The following PCDHGA3 variants were observed in gnomAD, a reference collection of about 807,000 sequenced individuals.
The protein encoded by PCDHGA3 is protocadherin gamma-A3.
A neutral mutation model predicts 58.5 loss-of-function variants in PCDHGA3; 40 were observed. The observed-to-expected ratio is 0.68, with a 90% confidence interval of 0.53 to 0.89. The LOEUF (loss-of-function observed/expected upper bound fraction) is 0.89. PCDHGA3 is among the 40% of genes least tolerant of loss of function. The probability of loss-of-function intolerance (pLI) is 0.00; values close to 1 mark genes in which losing one functional copy is unlikely to be tolerated. For synonymous variants in PCDHGA3, 530 were observed against 525.7 expected, an observed-to-expected ratio of 1.01 and a Z score of -0.11; for missense variants, 1,223 against 1,195.9, an observed-to-expected ratio of 1.02 and a Z score of -0.33.
chr5:141,363,741 C>T (rs1763049748), intron 1 of PCDHGA3, among the ~76,000 whole-genome samples: 1 of 152,096 alleles, frequency 6.6e-6, no homozygotes, highest in African/African-American at 2.4e-5. Context: ...GGTTTGTTTC[C>T]TTGGTATTCT....
At chr5:141,389,816 G>T (rs1359127304) in intron 1 of PCDHGA3, 7 of 1,613,776 alleles carry the variant, frequency 4.3e-6, no homozygotes, top group Non-Finnish European at 5.9e-6. Context: ...TGGTCGCCGT[G>T]CGTGACGGTG....
chr5:141,384,788 G>C (rs765446040), intron 1 of PCDHGA3: 21 of 1,613,120 alleles, frequency 1.3e-5, no homozygotes, highest in African/African-American at 2.7e-5. Context: ...CGCACGGCTC[G>C]GGCCCTGCTG....
At chr5:141,403,890 C>A in intron 1 of PCDHGA3, 1 of 1,613,714 alleles carries the variant, frequency 6.2e-7, no homozygotes, top group Non-Finnish European at 8.5e-7. Flanking sequence ...GAAGAATGTT[C>A]ATTTTATGAA....
intron 1 of PCDHGA3, chr5:141,408,333 G>T (rs746692686): frequency 3.7e-6 from 6 of 1,613,924 alleles, no homozygotes; most frequent in Admixed American, 3.3e-5. Flanking sequence ...CTGGCCAAGG[G>T]CTCGGTGGTG....
At chr5:141,423,833 T>A in intron 1 of PCDHGA3, 1 of 1,262,398 alleles carries the variant, frequency 7.9e-7, no homozygotes, top group Non-Finnish European at 1.0e-6. Context: ...TTCATGAGAT[T>A]ACGATAATCT....
chr5:141,387,827 A>G (rs2091110263), intron 1 of PCDHGA3: 2 of 1,585,958 alleles, frequency 1.3e-6, no homozygotes, highest in Non-Finnish European at 8.6e-7. Flanking sequence ...TGCAATACAG[A>G]GGTTATTTGT....
At position 141,510,993 on chromosome 5, in the gene PCDHGA3, G is replaced by A. The variant is rs1457918073; in HGVS notation, c.2619G>A (p.Met873Ile). The A allele has an allele frequency of 4.3e-6, 7 of 1,614,046 alleles. No homozygotes were observed. Among genetic ancestry groups the A allele is most frequent in the African/African-American group, 1.3e-5 (1 of 74,906 alleles). ...CCCTGGGAGGGGGTGCCGGCACCAT[G>A]GGATTGAGCGCCCGCTACGGACCCC... ...SSTLGGGAGT[M>I]GLSARYGPQF... The change falls in exon 4 of 4, where the codon ATG (methionine) becomes ATA (isoleucine). Residue 873 changes from methionine to isoleucine, a missense_variant. Transcript: ENST00000253812.
At chr5:141,371,108 C>T (rs754711722) in intron 1 of PCDHGA3, 1 of 1,613,760 alleles carries the variant, frequency 6.2e-7, no homozygotes, top group African/African-American at 1.3e-5. Context: ...CAAATGATAA[C>T]CCCCCAGTAT....
In PCDHGA3 at chr5:141,344,619, C is replaced by A; in HGVS notation, c.586C>A (p.Leu196Met). 8 of 1,613,962 alleles carry A rather than the reference C, an allele frequency of 5.0e-6. No individual in the cohort carries two copies. The highest frequency in any genetic ancestry group is 6.8e-6 in the Non-Finnish European group (8 of 1,179,884). ...GGGGGCCAAGTATCCAGAGCTGGTG[C>A]TGGAGCGGGCCCTGGACCGTGAGAA... ...SEGAKYPELV[L>M]ERALDREKKE... The change falls in exon 1 of 4, where the codon CTG (leucine) becomes ATG (methionine). Residue 196 changes from leucine (L) to methionine (M), a missense_variant. By Grantham distance (15) the Leu-to-Met change is conservative (BLOSUM62 2). Around this residue, in one of 3 missense-constraint regions of PCDHGA3, gnomAD observed 791 missense variants for 708.5 expected, o/e 1.12. Transcript: ENST00000253812.
chr5:141,477,639 G>T lies in PCDHGA3; in HGVS notation c.2425-17168G>T, dbSNP rs2099414883. ...GGAGCTGAAACCGGGCTAGTGGGTCGCTATTTCACAATAAATCGTGACAAT... is the reference window on the plus strand; with the variant it reads ...GGAGCTGAAACCGGGCTAGTGGGTCTCTATTTCACAATAAATCGTGACAAT... On this transcript the variant is annotated intron_variant, in intron 1 of 3. Transcript: ENST00000253812. The surrounding 1 kb of genome is among the most constrained non-coding windows in gnomAD (Gnocchi z 4.9). 3.1e-6 allele frequency: 5 copies of T among 1,614,004 alleles called. No homozygotes were observed. Among genetic ancestry groups the T allele is most frequent in the Non-Finnish European group, 4.2e-6 (5 of 1,180,034 alleles).
Position 141,345,962 on chromosome 5 carries a change from G to A in PCDHGA3, c.1929G>A (p.Val643=), listed in dbSNP as rs577452868. The A allele has an allele frequency of 6.4e-5, 103 of 1,613,572 alleles. No homozygotes were observed. The African/African-American group carries it at 8.3e-4, about 13-fold the overall frequency. The change falls in exon 1 of 4, where the codon GTG becomes GTA. Residue 643 remains valine (V), a synonymous_variant. Transcript: ENST00000253812. The stretch of plus-strand genomic sequence containing the variant: ...GAGACGCGCTCAAGCAGAGCCTCGT[G>A]GTGGCCGTCCAGGACCACGGCCAGC... ...LDRDALKQSL[V]VAVQDHGQPP...
chr5:141,450,454 G>A (rs144071286), intron 1 of PCDHGA3, among the ~76,000 whole-genome samples: 3,498 of 151,958 alleles, frequency 0.023, 60 homozygotes, highest in Middle Eastern at 0.051. Flanking sequence ...ATGTTTCCTC[G>A]TGATTTTATA....
intron 1 of PCDHGA3, chr5:141,389,656 C>T (rs763730959): frequency 1.2e-6 from 2 of 1,612,538 alleles, no homozygotes; most frequent in Non-Finnish European, 1.7e-6. Context: ...AAGGTAGTGG[C>T]GGTGGACGCA....
chr5:141,394,405 T>C, intron 1 of PCDHGA3: 2 of 1,614,222 alleles, frequency 1.2e-6, no homozygotes, highest in Non-Finnish European at 1.7e-6. Context: ...CTGCAGCTAC[T>C]GGTAACAGCC....
At chr5:141,410,849 CTTTTTTTTTTTT>C (rs759346998) in intron 1 of PCDHGA3, 1 of 129,786 alleles carries the variant, frequency 7.7e-6, no homozygotes, top group East Asian at 2.3e-4. Flanking sequence ...TTGTCTTTGT[CTTTTTTTTTTTT>C]TTTTTTTTTT....
chr5:141,476,535 T>C lies in PCDHGA3; in HGVS notation c.2425-18272T>C. 5 of 1,614,038 alleles carry C rather than the reference T, an allele frequency of 3.1e-6. No individual in the cohort carries two copies. The highest frequency in any genetic ancestry group is 4.2e-6 in the Non-Finnish European group (5 of 1,180,010). On this transcript the variant is annotated intron_variant, in intron 1 of 3. Coordinates refer to ENST00000253812, the MANE Select transcript of PCDHGA3 (RefSeq NM_018916.4). The surrounding 1 kb of genome is among the most constrained non-coding windows in gnomAD (Gnocchi z 7.6). ...AATCCTGCTTTCCCTACCCAGGAAA[T>C]GAAATTGGAGATTAGCGAGGCCGTG...
rs1038904862 is a variant in PCDHGA3 at position 141,345,667 on chromosome 5, A to G, written c.1634A>G (p.Asn545Ser). ...AGCGGGAACCCTCCACTCAGCAGCAACGTGTCGCTGAACCTGTTCGTGCTG... is the reference window on the plus strand; with the variant it reads ...AGCGGGAACCCTCCACTCAGCAGCAGCGTGTCGCTGAACCTGTTCGTGCTG... ...SDSGNPPLSSNVSLNLFVLDQ... is the reference protein window; with the variant it reads ...SDSGNPPLSSSVSLNLFVLDQ... The change falls in exon 1 of 4, where the codon AAC (asparagine) becomes AGC (serine). Residue 545 changes from asparagine to serine, a missense_variant. Asn to Ser is a conservative substitution (Grantham distance 46). Coordinates refer to ENST00000253812, the MANE Select transcript of PCDHGA3 (RefSeq NM_018916.4). 1.5e-5 allele frequency: 24 copies of G among 1,614,210 alleles called. No individual in the cohort carries two copies. The highest frequency in any genetic ancestry group is 2.2e-5 in the East Asian group (1 of 44,880).
intron 2 of PCDHGA3, among the ~76,000 whole-genome samples, chr5:141,500,793 A>G (rs1245472175): frequency 6.6e-6 from 1 of 152,210 alleles, no homozygotes; most frequent in Non-Finnish European, 1.5e-5. Context: ...ATTTTACAGA[A>G]TAAGTCCTCA....
chr5:141,417,874 C>A (rs768197455), intron 1 of PCDHGA3: 2 of 1,555,202 alleles, frequency 1.3e-6, no homozygotes, highest in African/African-American at 2.7e-5. Context: ...GAGGGAGCTG[C>A]GCGCAGAGGC....
Sources: gnomAD v4.1 joint callset for allele counts (sites outside exome capture counted in the v4.1 genomes callset) on GRCh38, gnomAD v4.1.1 for gene constraint, gnomAD v4.1.1 regional missense constraint, Gnocchi (gnomAD v3.1) non-coding constraint, MANE v1.5 for transcripts, NCBI Gene and HGNC (gene_info 2026-07-23, HGNC 2026-07-21) for gene names.